The following CADM2 variants were observed in gnomAD, a reference collection of about 807,000 sequenced individuals.
CADM2 encodes immunoglobulin superfamily member 4D.
Under a neutral mutation model 49.8 loss-of-function variants are expected in CADM2, and 12 were observed. That is an observed-to-expected ratio of 0.24 (90% confidence interval 0.15 to 0.39). The LOEUF is 0.39. CADM2 is among the 10% of genes least tolerant of loss of function. The probability of loss-of-function intolerance (pLI) is 1.00; values close to 1 mark genes in which losing one functional copy is unlikely to be tolerated. For synonymous variants in CADM2, 214 were observed against 175.4 expected (o/e 1.22, Z -1.74); for missense variants, 378 against 492.3 (o/e 0.77, Z 2.20).
At position 85,160,615 on chromosome 3, in the gene CADM2, G is replaced by T. The variant is rs1016331244; in HGVS notation, c.61+200947G>T. 2.0e-5 allele frequency among the ~76,000 whole-genome samples: 3 copies of T among 151,910 alleles called. No homozygotes were observed. In the South Asian group the frequency reaches 6.2e-4, roughly 32 times the overall value. ...ATGGTCCTTCTCAATAAATAATTAG[G>T]CTATTTTCTTCTGTTTATTCTTTGA... On this transcript the variant is annotated intron_variant, in intron 1 of 9. Transcript: ENST00000383699.
chr3:85,082,723 A>G (rs1045058627), intron 1 of CADM2, among the ~76,000 whole-genome samples: 1 of 152,112 alleles, frequency 6.6e-6, no homozygotes, highest in South Asian at 2.1e-4. Context: ...GTGCAGTGGG[A>G]TGATTTTTCA....
At chr3:85,819,773 T>C (rs531321575) in intron 3 of CADM2, among the ~76,000 whole-genome samples, 4 of 152,280 alleles carry the variant, frequency 2.6e-5, no homozygotes, top group African/African-American at 7.2e-5. Flanking sequence ...TAAACTGCTT[T>C]TTGCAGTTTT....
chr3:86,045,476 C>A (rs1180226437), intron 8 of CADM2, among the ~76,000 whole-genome samples: 1 of 152,058 alleles, frequency 6.6e-6, no homozygotes, highest in Non-Finnish European at 1.5e-5. Flanking sequence ...TTGATAAATG[C>A]ACTCAGAATC....
intron 2 of CADM2, among the ~76,000 whole-genome samples, chr3:85,791,076 G>A (rs979208888): frequency 6.6e-6 from 1 of 152,154 alleles, no homozygotes; most frequent in South Asian, 2.1e-4. Context: ...GCAATAAAAT[G>A]ATTTTTAAAA....
chr3:85,386,129 C>A (rs2107375603), intron 1 of CADM2, among the ~76,000 whole-genome samples: 1 of 152,228 alleles, frequency 6.6e-6, no homozygotes, highest in East Asian at 1.9e-4. Context: ...ACTCACTAGG[C>A]TGCAGTAAGC....
intron 1 of CADM2, among the ~76,000 whole-genome samples, chr3:85,413,161 A>AAAAAAAAAAAAAAT (rs1553720239): frequency 5.5e-5 from 6 of 108,524 alleles, no homozygotes; most frequent in African/African-American, 2.4e-4. Context: ...AAAAAAAAAA[A>AAAAAAAAAAAAAAT]AATAATAATA....
At chr3:85,491,875 C>CCA (rs1355997140) in intron 1 of CADM2, among the ~76,000 whole-genome samples, 1 of 150,694 alleles carries the variant, frequency 6.6e-6, no homozygotes, top group African/African-American at 2.4e-5. Context: ...TGGCGTGAAT[C>CCA]GGGCAGGCGG....
intron 1 of CADM2, among the ~76,000 whole-genome samples, chr3:85,407,224 A>T (rs912401415): frequency 3.3e-5 from 5 of 152,008 alleles, no homozygotes; most frequent in African/African-American, 1.2e-4. Flanking sequence ...AAATGAGATT[A>T]TGTCATGCCC....
chr3:85,041,691 A>T (rs905865949), intron 1 of CADM2, among the ~76,000 whole-genome samples: 1 of 152,192 alleles, frequency 6.6e-6, no homozygotes, highest in African/African-American at 2.4e-5. Context: ...CTTAAACCAG[A>T]TCCAATTCAG....
chr3:85,415,852 ATACTTTCTC>A (rs892806180), intron 1 of CADM2, among the ~76,000 whole-genome samples: 1 of 152,106 alleles, frequency 6.6e-6, no homozygotes, highest in African/African-American at 2.4e-5. Flanking sequence ...TAAATATATT[ATACTTTCTC>A]TTAGGGATAA....
chr3:84,993,506 C>A (rs530266434), intron 1 of CADM2, among the ~76,000 whole-genome samples: 69 of 152,172 alleles, frequency 4.5e-4, no homozygotes, highest in African/African-American at 1.6e-3. Context: ...ACCCTGTAAT[C>A]GTCAACTTTA....
At chr3:85,450,156 G>T (rs2037687698) in intron 1 of CADM2, among the ~76,000 whole-genome samples, 1 of 152,000 alleles carries the variant, frequency 6.6e-6, no homozygotes, top group Admixed American at 6.6e-5. Flanking sequence ...AACTAAAGAC[G>T]AACCCTTGCA....
At chr3:85,684,070 C>T (rs2066122306) in intron 1 of CADM2, among the ~76,000 whole-genome samples, 1 of 152,156 alleles carries the variant, frequency 6.6e-6, no homozygotes, top group African/African-American at 2.4e-5. Flanking sequence ...TCAGAAGTAT[C>T]ACTCACAAGG....
At chr3:85,456,515 A>C (rs1397382142) in intron 1 of CADM2, among the ~76,000 whole-genome samples, 1 of 152,192 alleles carries the variant, frequency 6.6e-6, no homozygotes, top group Admixed American at 6.5e-5. Context: ...AATATTCATC[A>C]ATATTATTTG....
At chr3:85,957,228 T>C (rs1024740601) in intron 7 of CADM2, among the ~76,000 whole-genome samples, 24 of 151,776 alleles carry the variant, frequency 1.6e-4, no homozygotes, top group African/African-American at 5.6e-4. Flanking sequence ...AAATGAAGCA[T>C]GTTGAGAACT....
At chr3:85,004,625 G>A (rs2033637600) in intron 1 of CADM2, among the ~76,000 whole-genome samples, 1 of 143,344 alleles carries the variant, frequency 7.0e-6, no homozygotes. Flanking sequence ...ATCTGAGCTG[G>A]TGATTTGAAG....
At chr3:85,212,521 A>G (rs1379272546) in intron 1 of CADM2, among the ~76,000 whole-genome samples, 4 of 152,152 alleles carry the variant, frequency 2.6e-5, no homozygotes, top group Non-Finnish European at 5.9e-5. Flanking sequence ...TGTCAGCTTA[A>G]CAATAATTGA....
At chr3:85,909,271 T>G (rs1577633850) in intron 5 of CADM2, among the ~76,000 whole-genome samples, 1 of 152,070 alleles carries the variant, frequency 6.6e-6, no homozygotes, top group East Asian at 1.9e-4. Context: ...GAGGAGTGGT[T>G]ATGTGGATTA....
chr3:85,322,427 G>A (rs978708864), intron 1 of CADM2, among the ~76,000 whole-genome samples: 1 of 148,838 alleles, frequency 6.7e-6, no homozygotes, highest in African/African-American at 2.5e-5. Context: ...TTAATTCACA[G>A]GCTGTAATGC....
Sources: gnomAD v4.1 joint callset for allele counts (sites outside exome capture counted in the v4.1 genomes callset) on GRCh38, gnomAD v4.1.1 for gene constraint, MANE v1.5 for transcripts, NCBI Gene and HGNC (gene_info 2026-07-23, HGNC 2026-07-21) for gene names.